C4BPB: variants seen among roughly 807,000 people sequenced by gnomAD.
C4BPB encodes C4b-binding protein beta chain.
A neutral mutation model predicts 26.6 loss-of-function variants in C4BPB; 19 were observed. The ratio of observed to expected loss-of-function variants is 0.71; its 90% CI spans 0.50 to 1.05. C4BPB has a LOEUF of 1.05. Ranked by LOEUF, C4BPB falls within the 50% of genes least tolerant of loss-of-function variation. The pLI is 0.00. For missense variants in C4BPB, 282 were observed against 302.9 expected (o/e 0.93, Z 0.51); for synonymous variants, 118 against 103.5 (o/e 1.14, Z -0.85).
In C4BPB at chr1:207,091,709, A is replaced by C. The variant is rs773386935; in HGVS notation, c.298A>C (p.Ser100Arg). Residue 100 changes from serine (S) to arginine (R), a missense_variant, in exon 4 of 7, where the codon AGT becomes CGT. Ser to Arg is a moderately radical substitution (Grantham distance 110). Transcript: ENST00000367078. Reference protein sequence around the residue: ...EFSSSGPVNVSDKITFMCNDH... With the variant: ...EFSSSGPVNVRDKITFMCNDH... ...CAGTTCTTCAGGGCCTGTGAATGTA[A>C]GTGACAAAATCACGTTTATGTGCAA... The C allele has an allele frequency of 1.2e-6, 2 of 1,614,046 alleles. No homozygotes were observed. The highest frequency in any genetic ancestry group is 1.7e-5 in the Admixed American group (1 of 60,020).
At chr1:207,098,772 T>C (rs1684354594) in intron 6 of C4BPB, among the ~76,000 whole-genome samples, 1 of 152,178 alleles carries the variant, frequency 6.6e-6, no homozygotes, top group Non-Finnish European at 1.5e-5. Flanking sequence ...TCCCATCTAG[T>C]TAGGAGTGAT....
At chr1:207,090,915 T>C (rs1684000306) in intron 3 of C4BPB, among the ~76,000 whole-genome samples, 1 of 152,206 alleles carries the variant, frequency 6.6e-6, no homozygotes, top group Non-Finnish European at 1.5e-5. Context: ...ATCCTCTTTA[T>C]TATTTTGAAG....
intron 4 of C4BPB, among the ~76,000 whole-genome samples, chr1:207,093,829 A>C (rs1684138826): frequency 6.6e-6 from 1 of 152,214 alleles, no homozygotes; most frequent in South Asian, 2.1e-4. Flanking sequence ...AAGTATTTGC[A>C]ACATATTTGA....
intron 2 of C4BPB, among the ~76,000 whole-genome samples, chr1:207,090,071 A>C (rs996128431): frequency 1.3e-5 from 2 of 152,212 alleles, no homozygotes; most frequent in Non-Finnish European, 2.9e-5. Context: ...AGAGATCGAG[A>C]CCATCCTGGC....
chr1:207,091,706 G>A lies in C4BPB; in HGVS notation c.295G>A (p.Val99Ile). Reference protein sequence around the residue: ...GEFSSSGPVNVSDKITFMCND... With the variant: ...GEFSSSGPVNISDKITFMCND... The stretch of plus-strand genomic sequence containing the variant: ...GTTCAGTTCTTCAGGGCCTGTGAAT[G>A]TAAGTGACAAAATCACGTTTATGTG... The change falls in exon 4 of 7, where the codon GTA becomes ATA. Residue 99 changes from valine to isoleucine, a missense_variant. Coordinates refer to ENST00000367078, the MANE Select transcript of C4BPB (RefSeq NM_001017365.3). 6.2e-7 allele frequency: 1 copy of A among 1,614,018 alleles called. No homozygotes were observed. The highest frequency in any genetic ancestry group is 2.2e-5 in the East Asian group (1 of 44,876).
intron 5 of C4BPB, among the ~76,000 whole-genome samples, chr1:207,097,208 G>C (rs1684286785): frequency 6.6e-6 from 1 of 151,652 alleles, no homozygotes; most frequent in South Asian, 2.1e-4. Flanking sequence ...TGGGTTTTTT[G>C]TTTTTTTGTT....
intron 3 of C4BPB, 60 bp downstream of exon 3, chr1:207,090,541 C>A: frequency 7.0e-7 from 1 of 1,435,242 alleles, no homozygotes; most frequent in Non-Finnish European, 9.5e-7. Flanking sequence ...TCCTTCACAT[C>A]CTACTTCCTA....
chr1:207,097,683 C>T (rs1012978483), intron 5 of C4BPB: 6 of 161,220 alleles, frequency 3.7e-5, no homozygotes, highest in Admixed American at 3.6e-4. Flanking sequence ...ATTTCGATCT[C>T]GTTATATACC....
chr1:207,095,370 T>C (rs913906230), intron 4 of C4BPB: 6 of 456,474 alleles, frequency 1.3e-5, no homozygotes, highest in African/African-American at 6.0e-5. Context: ...TTGCTCTGTT[T>C]CCCAGGCTGG....
intron 5 of C4BPB, chr1:207,097,689 A>G (rs1684311520): frequency 6.1e-6 from 1 of 163,862 alleles, no homozygotes; most frequent in Non-Finnish European, 1.3e-5. Context: ...ATCTCGTTAT[A>G]TACCTTCAAT....
In C4BPB at chr1:207,089,585, A is replaced by T; in HGVS notation, c.54A>T (p.Ser18=). The T allele has an allele frequency of 6.2e-7, 1 of 1,613,988 alleles. No homozygotes were observed. Reference sequence around the variant, plus strand: ...TGGTTGCGTGGCGAGTTTCTGCTTCAGATGGTACGTATGCTTTCCTTCAAC... The same window carrying T: ...TGGTTGCGTGGCGAGTTTCTGCTTCTGATGGTACGTATGCTTTCCTTCAAC... ...CLMVAWRVSA[S]DAEHCPELPP... is the part of the protein sequence containing the mutation. Residue 18 remains serine, a synonymous_variant, in exon 2 of 7, where the codon TCA becomes TCT. Transcript: ENST00000367078.
At chr1:207,092,087 T>C (rs1447240575) in intron 4 of C4BPB, among the ~76,000 whole-genome samples, 1 of 152,192 alleles carries the variant, frequency 6.6e-6, no homozygotes, top group Non-Finnish European at 1.5e-5. Flanking sequence ...GTAGGGTAGT[T>C]TGGAGCATCG....
Position 207,096,658 on chromosome 1 carries a change from G to A in C4BPB, c.503+43G>A, listed in dbSNP as rs780144692. The A allele has an allele frequency of 3.5e-6, 4 of 1,154,592 alleles. No homozygotes were observed. In the South Asian group the frequency reaches 4.1e-5, roughly 12 times the overall value. The allele number at this position is 1,154,592 out of a possible 1,614,324, so 71.5% of individuals were successfully genotyped here. A position where few individuals can be genotyped will look rare whatever the true frequency, so the allele number is the denominator to read the frequency against. ...GTCAAATGCCAGATCTTGCCCCTTG[G>A]CAGCATTGTTTTGGGGAATAACCCA... On this transcript the variant is annotated intron_variant, in intron 5 of 6. Transcript: ENST00000367078.
chr1:207,098,145 T>G lies in C4BPB; in HGVS notation c.504-5T>G, dbSNP rs765982599. ...AAGCTAAGCCTTGTTCTAATTTCTG[T>G]TCAGGTACTACTTAGTGGGCGTGCA... On this transcript the variant is annotated splice_polypyrimidine_tract_variant and splice_region_variant and intron_variant, in intron 5 of 6. Transcript: ENST00000367078. 6.2e-6 allele frequency: 10 copies of G among 1,610,698 alleles called. No homozygotes were observed. Among genetic ancestry groups the G allele is most frequent in the Non-Finnish European group, 8.5e-6 (10 of 1,176,992 alleles).
chr1:207,090,817 A>G (rs1000257058), intron 3 of C4BPB, among the ~76,000 whole-genome samples: 2 of 152,244 alleles, frequency 1.3e-5, no homozygotes, highest in African/African-American at 4.8e-5. Flanking sequence ...TAAAATGTAT[A>G]CAAACGACAG....
intron 6 of C4BPB, 28 bp from the exon 7 acceptor site, chr1:207,099,761 T>TA: frequency 6.2e-7 from 1 of 1,604,248 alleles, no homozygotes. Flanking sequence ...CCTTATGTTG[T>TA]AACTTGTGAA....
chr1:207,099,858 G>A lies in C4BPB; in HGVS notation c.688G>A (p.Gly230Ser), dbSNP rs368880169. The A allele has an allele frequency of 1.2e-5, 20 of 1,613,746 alleles. No individual in the cohort carries two copies. The highest frequency in any genetic ancestry group is 1.7e-5 in the Admixed American group (1 of 59,994). The change falls in exon 7 of 7, where the codon GGC (glycine) becomes AGC (serine). Residue 230 changes from glycine to serine, a missense_variant. Gly to Ser is a moderately conservative substitution (Grantham distance 56, BLOSUM62 0). Coordinates refer to ENST00000367078, the MANE Select transcript of C4BPB (RefSeq NM_001017365.3). ...CTTTATGCAACAATTAAAGGAAAGT[G>A]GCATGACAATGGAGGAGCTAAAATA... The part of the protein sequence containing the change: ...ENFMQQLKES[G>S]MTMEELKYSL...
Position 207,089,551 on chromosome 1 carries a change from G to C in C4BPB, c.20G>C (p.Cys7Ser). ...CACCAGATGTTTTTTTGGTGTGCGTGCTGTCTTATGGTTGCGTGGCGAGTT... is the reference window on the plus strand; with the variant it reads ...CACCAGATGTTTTTTTGGTGTGCGTCCTGTCTTATGGTTGCGTGGCGAGTT... MFFWCA[C>S]CLMVAWRVSA... The change falls in exon 2 of 7, where the codon TGC (cysteine) becomes TCC (serine). Residue 7 changes from cysteine (C) to serine (S), a missense_variant. Transcript: ENST00000367078. The C allele has an allele frequency of 6.2e-7, 1 of 1,614,066 alleles. No homozygotes were observed. The highest frequency in any genetic ancestry group is 1.1e-5 in the South Asian group (1 of 91,078).
chr1:207,094,326 AAAAGAAATAAT>A (rs1187100318), intron 4 of C4BPB, among the ~76,000 whole-genome samples: 4 of 152,152 alleles, frequency 2.6e-5, no homozygotes, highest in Non-Finnish European at 5.9e-5. Context: ...AAAAAAATGA[AAAAGAAATAAT>A]AAAGACAGGC....
Sources: allele counts gnomAD v4.1 joint callset (sites outside exome capture counted in the v4.1 genomes callset), GRCh38; gene constraint gnomAD v4.1.1; transcripts MANE v1.5; gene names NCBI Gene and HGNC (gene_info 2026-07-23, HGNC 2026-07-21).